UNC13B: variants seen among roughly 807,000 people sequenced by gnomAD.
UNC13B encodes the protein unc-13 homolog B.
Under a neutral mutation model 211.0 loss-of-function variants are expected in UNC13B, and 144 were observed. The ratio of observed to expected loss-of-function variants is 0.68; its 90% confidence interval spans 0.60 to 0.78. The LOEUF is 0.78. Ranked by LOEUF, UNC13B falls within the 30% of genes least tolerant of loss-of-function variation. The probability of loss-of-function intolerance (pLI) is 0.00; values close to 1 mark genes in which losing one functional copy is unlikely to be tolerated. For missense variants in UNC13B, 1,777 were observed against 2,002.0 expected (o/e 0.89, Z 2.14); for synonymous variants, 709 against 725.8 (o/e 0.98, Z 0.37).
At chr9:35,183,407 G>A (rs1413058171) in intron 1 of UNC13B, among the ~76,000 whole-genome samples, 1 of 127,510 alleles carries the variant, frequency 7.8e-6, no homozygotes, top group African/African-American at 3.0e-5. Context: ...CCGGGCAGAG[G>A]CTCCCCCAAC....
At position 35,305,159 on chromosome 9, in the gene UNC13B, T is replaced by C. The variant is rs574086985; in HGVS notation, c.5755T>C (p.Leu1919=). 19 of 398,942 alleles carry C rather than the reference T, an allele frequency of 4.8e-5. No individual in the cohort carries two copies. The highest frequency in any genetic ancestry group is 1.8e-4 in the African/African-American group (9 of 48,748). 24.7% of individuals were successfully genotyped at this position (398,942 alleles called of 1,614,324 possible). ...TGATAAAACATTATTTAAAAGTTCATTGAAACTCTTCAGTCAAGAAGAATC... is the reference window on the plus strand; with the variant it reads ...TGATAAAACATTATTTAAAAGTTCACTGAAACTCTTCAGTCAAGAAGAATC... The part of the protein sequence containing the change: ...ESDKTLFKSS[L]KLFSQEESSV... The change falls in exon 9 of 40, where the codon TTG becomes CTG. Residue 1919 remains leucine (L), a synonymous_variant. Transcript: ENST00000635942.
intron 11 of UNC13B, among the ~76,000 whole-genome samples, chr9:35,344,174 C>T (rs1832203588): frequency 6.6e-6 from 1 of 152,184 alleles, no homozygotes. Flanking sequence ...CAGGATCTCT[C>T]CCTGCCAGTC....
intron 11 of UNC13B, chr9:35,353,475 G>A: frequency 1.6e-6 from 2 of 1,232,252 alleles, no homozygotes; most frequent in South Asian, 8.2e-5. Context: ...AGTCAGGGGA[G>A]TGAAAGCTTG....
intron 7 of UNC13B, among the ~76,000 whole-genome samples, chr9:35,267,848 TG>T (rs1356865969): frequency 2.0e-5 from 3 of 152,196 alleles, no homozygotes; most frequent in Admixed American, 6.5e-5. Context: ...TTGTTGCTGC[TG>T]GTATCCTGTT....
chr9:35,236,740 C>T (rs1488446553), intron 4 of UNC13B, among the ~76,000 whole-genome samples, 154 bp downstream of exon 4: 1 of 152,216 alleles, frequency 6.6e-6, no homozygotes, highest in Non-Finnish European at 1.5e-5. Context: ...CCTAACTTCA[C>T]CTGAAGGTTC....
intron 1 of UNC13B, among the ~76,000 whole-genome samples, chr9:35,201,108 C>G (rs1823257749): frequency 6.6e-6 from 1 of 152,088 alleles, no homozygotes; most frequent in Non-Finnish European, 1.5e-5. Flanking sequence ...TGGTTTTTGT[C>G]TTTGGTTCTG....
intron 6 of UNC13B, among the ~76,000 whole-genome samples, chr9:35,250,687 A>G (rs1159971330): frequency 2.0e-5 from 3 of 152,174 alleles, no homozygotes; most frequent in Admixed American, 1.3e-4. Context: ...TGGGAGTGGA[A>G]TTGCTAGATC....
chr9:35,277,544 G>A (rs545008966), intron 7 of UNC13B, among the ~76,000 whole-genome samples: 65 of 151,908 alleles, frequency 4.3e-4, no homozygotes, highest in Middle Eastern at 3.4e-3. Flanking sequence ...GAAATCCAGA[G>A]CCCTGAAGTA....
At chr9:35,195,175 C>G (rs1430114317) in intron 1 of UNC13B, among the ~76,000 whole-genome samples, 4 of 152,148 alleles carry the variant, frequency 2.6e-5, no homozygotes, top group African/African-American at 4.8e-5. Context: ...GATGGAGCCA[C>G]TATTTTGAAC....
intron 1 of UNC13B, among the ~76,000 whole-genome samples, chr9:35,203,945 C>T (rs964273776): frequency 6.6e-6 from 1 of 152,256 alleles, no homozygotes; most frequent in Non-Finnish European, 1.5e-5. Context: ...TTTCAGAGAA[C>T]TTTGTGGCAG....
At chr9:35,339,983 C>T (rs1331267607) in intron 11 of UNC13B, among the ~76,000 whole-genome samples, 1 of 152,228 alleles carries the variant, frequency 6.6e-6, no homozygotes, top group Non-Finnish European at 1.5e-5. Context: ...GTGACAGCCA[C>T]TGTTCTGGGC....
chr9:35,351,898 C>G, intron 11 of UNC13B: 1 of 1,232,226 alleles, frequency 8.1e-7, no homozygotes, highest in Non-Finnish European at 1.0e-6. Context: ...CCCTTTTGTC[C>G]AGAGGCCATG....
intron 1 of UNC13B, among the ~76,000 whole-genome samples, chr9:35,181,785 C>T (rs544636476): frequency 1.3e-5 from 2 of 152,210 alleles, no homozygotes; most frequent in South Asian, 4.2e-4. Context: ...TGCAGTGAGG[C>T]CAGATCAGCC....
chr9:35,251,719 G>T (rs1409956337), intron 6 of UNC13B, among the ~76,000 whole-genome samples: 7 of 151,156 alleles, frequency 4.6e-5, no homozygotes, highest in African/African-American at 1.7e-4. Context: ...TAATTTCTTA[G>T]TGTCATCCAA....
intron 36 of UNC13B, among the ~76,000 whole-genome samples, chr9:35,399,965 GTA>G (rs1836180887): frequency 6.6e-6 from 1 of 152,190 alleles, no homozygotes; most frequent in Non-Finnish European, 1.5e-5. Flanking sequence ...CCTGGGAGAG[GTA>G]TGTCATAGGT....
intron 31 of UNC13B, 129 bp downstream of exon 31, chr9:35,398,417 G>A: frequency 7.3e-7 from 1 of 1,361,844 alleles, no homozygotes; most frequent in Non-Finnish European, 1.0e-6. Flanking sequence ...GGCTTAATCT[G>A]AGGTAGGCAT....
At chr9:35,388,210 C>T (rs1329543718) in intron 24 of UNC13B, among the ~76,000 whole-genome samples, 1 of 152,160 alleles carries the variant, frequency 6.6e-6, no homozygotes, top group African/African-American at 2.4e-5. Flanking sequence ...GAGTTTGAAA[C>T]TAGCCTGGCC....
chr9:35,380,288 G>A (rs920158373), intron 17 of UNC13B, among the ~76,000 whole-genome samples, 182 bp from the exon 18 acceptor site: 3 of 152,202 alleles, frequency 2.0e-5, no homozygotes, highest in Non-Finnish European at 4.4e-5. Context: ...CCAGGCCGAG[G>A]AATGAAGAGT....
At chr9:35,272,399 A>C (rs966451606) in intron 7 of UNC13B, among the ~76,000 whole-genome samples, 1 of 151,712 alleles carries the variant, frequency 6.6e-6, no homozygotes, top group Non-Finnish European at 1.5e-5. Context: ...CTGGGATTAC[A>C]GGCACCTACC....
Sources: gnomAD v4.1 joint callset for allele counts (sites outside exome capture counted in the v4.1 genomes callset) on GRCh38, gnomAD v4.1.1 for gene constraint, MANE v1.5 for transcripts, NCBI Gene and HGNC (gene_info 2026-07-23, HGNC 2026-07-21) for gene names.